SKIL: variants seen among roughly 807,000 people sequenced by gnomAD.
SKIL encodes the protein ski-like protein.
SKIL carries 20 observed loss-of-function variants against 69.6 expected under a neutral mutation model. The ratio of observed to expected loss-of-function variants is 0.29; its 90% confidence interval spans 0.20 to 0.42. The LOEUF (loss-of-function observed/expected upper bound fraction) is 0.42, where lower values mean the gene tolerates loss of function less well. Ranked by LOEUF, SKIL falls within the 10% of genes least tolerant of loss-of-function variation. The probability of loss-of-function intolerance (pLI) is 1.00; values close to 1 mark genes in which losing one functional copy is unlikely to be tolerated. For synonymous variants in SKIL, 310 were observed against 279.9 expected, an observed-to-expected ratio of 1.11 and a Z score of -1.08; for missense variants, 745 against 783.1, an observed-to-expected ratio of 0.95 and a Z score of 0.58.
intron 2 of SKIL, among the ~76,000 whole-genome samples, chr3:170,377,339 T>C (rs1481809956): frequency 1.3e-5 from 2 of 150,168 alleles, no homozygotes; most frequent in Admixed American, 1.3e-4. Flanking sequence ...CCTGTTTCGG[T>C]TGATTCTCCT....
At chr3:170,368,272 A>C (rs1009613492) in intron 2 of SKIL, among the ~76,000 whole-genome samples, 4 of 152,226 alleles carry the variant, frequency 2.6e-5, no homozygotes, top group Non-Finnish European at 5.9e-5. Context: ...TGCTCATATG[A>C]GGGACCATTA....
rs1258232830 is a variant in SKIL at position 170,391,101 on chromosome 3, G to A, written c.1737G>A (p.Gln579=). The A allele has an allele frequency of 6.2e-7, 1 of 1,610,824 alleles. No individual in the cohort carries two copies. The highest frequency in any genetic ancestry group is 1.1e-5 in the South Asian group (1 of 90,908). ...TCACTGAAGAACAGCAGAATTTACA[G>A]AAAGAGCTTGAATCTTTGCAGAATG... is the stretch of plus-strand genomic sequence containing the variant. ...KELTEEQQNL[Q]KELESLQNEH... is the part of the protein sequence containing the mutation. Residue 579 remains glutamine, a synonymous_variant, in exon 6 of 7, where the codon CAG becomes CAA. Transcript: ENST00000259119.
chr3:170,360,630 C>G lies in SKIL; in HGVS notation c.299C>G (p.Ser100Trp). 1 of 1,614,134 alleles carries G rather than the reference C, an allele frequency of 6.2e-7. No homozygotes were observed. The highest frequency in any genetic ancestry group is 1.1e-5 in the South Asian group (1 of 91,086). ...CAATTCCATTTAAGTAGTCAGAGCTCGCTGGGTGGACCAGCAGCATTTTCT... is the reference window on the plus strand; with the variant it reads ...CAATTCCATTTAAGTAGTCAGAGCTGGCTGGGTGGACCAGCAGCATTTTCT... Reference protein sequence around the residue: ...LAQFHLSSQSSLGGPAAFSAR... With the variant: ...LAQFHLSSQSWLGGPAAFSAR... The change falls in exon 2 of 7, where the codon TCG becomes TGG. Residue 100 changes from serine (S) to tryptophan (W), a missense_variant. Ser to Trp is a radical substitution (Grantham distance 177). Transcript: ENST00000259119.
chr3:170,366,437 T>C (rs1577413233), intron 2 of SKIL, among the ~76,000 whole-genome samples: 1 of 152,072 alleles, frequency 6.6e-6, no homozygotes, highest in African/African-American at 2.4e-5. Context: ...CCCAGCACTT[T>C]GGGAGGCTGA....
intron 2 of SKIL, among the ~76,000 whole-genome samples, chr3:170,362,770 A>C (rs938676849): frequency 3.3e-5 from 5 of 151,212 alleles, no homozygotes; most frequent in South Asian, 2.1e-4. Context: ...AGCCGAGATC[A>C]CGCCACCACA....
Position 170,360,129 on chromosome 3 carries a change from G to T in SKIL, c.-203G>T. ...TAGAGGCAAAACGAACAATTTTATA[G>T]GATTTGTAGTGAAATTATACCAGAT... is the stretch of plus-strand genomic sequence containing the variant. On this transcript the variant is annotated 5_prime_UTR_variant, in exon 2 of 7. It adds an upstream start codon to the 5' untranslated region. Coordinates refer to ENST00000259119, the MANE Select transcript of SKIL (RefSeq NM_005414.5). 1 of 476,708 alleles carries T rather than the reference G, an allele frequency of 2.1e-6. No homozygotes were observed. The highest frequency in any genetic ancestry group is 3.7e-6 in the Non-Finnish European group (1 of 271,106). The allele number at this position is 476,708 out of a possible 1,614,324, so 29.5% of individuals were successfully genotyped here. A position where few individuals can be genotyped will look rare whatever the true frequency, so the allele number is the denominator to read the frequency against.
chr3:170,388,914 G>C (rs532938273), intron 4 of SKIL, among the ~76,000 whole-genome samples: 68 of 151,544 alleles, frequency 4.5e-4, no homozygotes, highest in Non-Finnish European at 7.4e-4. Flanking sequence ...CTGTTGCCCA[G>C]GCTGGAGTAC....
intron 1 of SKIL, among the ~76,000 whole-genome samples, chr3:170,358,265 C>G (rs972675584): frequency 6.6e-6 from 1 of 151,948 alleles, no homozygotes; most frequent in Non-Finnish European, 1.5e-5. Context: ...CGAGAACTTC[C>G]CAGGGAGAGG....
At chr3:170,382,908 G>A (rs923599623) in intron 3 of SKIL, among the ~76,000 whole-genome samples, 9 of 151,794 alleles carry the variant, frequency 5.9e-5, no homozygotes, top group African/African-American at 2.2e-4. Flanking sequence ...TAGAAGAGAC[G>A]AGGTTTCACC....
Position 170,394,337 on chromosome 3 carries a change from A to G in SKIL, c.*1920A>G, listed in dbSNP as rs978283017. On this transcript the variant is annotated 3_prime_UTR_variant, in exon 7 of 7. Coordinates refer to ENST00000259119, the MANE Select transcript of SKIL (RefSeq NM_005414.5). ...TAAAATGACATATTCTCCCAATACA[A>G]TCTATTTAGATCTGGAGAAGGAAAA... 6.6e-6 allele frequency: 1 copy of G among 151,802 alleles called. No individual in the cohort carries two copies. Among genetic ancestry groups the G allele is most frequent in the Non-Finnish European group, 1.5e-5 (1 of 67,974 alleles). 9.4% of individuals were successfully genotyped at this position (151,802 alleles called of 1,614,324 possible). A position where few individuals can be genotyped will look rare whatever the true frequency, so the allele number is the denominator to read the frequency against.
rs1560203983 is a variant in SKIL at position 170,360,318 on chromosome 3, CAG to C, written c.-12_-11del. On this transcript the variant is annotated 5_prime_UTR_variant, in exon 2 of 7. Coordinates refer to ENST00000259119, the MANE Select transcript of SKIL (RefSeq NM_005414.5). ...GCTAATCTCAGACTTAATTATTTAA[CAG>C]AAGAGTGTACCATGGAAAACCTCCA... 1.3e-6 allele frequency: 2 copies of C among 1,526,634 alleles called. No homozygotes were observed. Among genetic ancestry groups the C allele is most frequent in the Admixed American group, 2.3e-5 (1 of 43,644 alleles). 94.6% of individuals were successfully genotyped at this position (1,526,634 alleles called of 1,614,324 possible).
intron 2 of SKIL, among the ~76,000 whole-genome samples, chr3:170,376,121 C>T (rs370927610): frequency 7.6e-5 from 11 of 144,748 alleles, no homozygotes; most frequent in Non-Finnish European, 1.5e-4. Context: ...AATCTCAGCT[C>T]ACTGCAACCT....
At chr3:170,387,004 C>A (rs542029076) in intron 4 of SKIL, among the ~76,000 whole-genome samples, 33 of 151,924 alleles carry the variant, frequency 2.2e-4, no homozygotes, top group African/African-American at 8.0e-4. Context: ...TAATTTAGTT[C>A]CATAATGTTT....
intron 3 of SKIL, among the ~76,000 whole-genome samples, chr3:170,381,699 C>G (rs567680552): frequency 8.9e-4 from 136 of 152,164 alleles, no homozygotes; most frequent in Admixed American, 1.9e-3. Flanking sequence ...TCCCAAAGTG[C>G]TGGGATTACA....
chr3:170,358,013 C>CGGCAG (rs1159627466), intron 1 of SKIL, among the ~76,000 whole-genome samples: 6 of 152,212 alleles, frequency 3.9e-5, no homozygotes, highest in Non-Finnish European at 7.4e-5. Flanking sequence ...CGGTGGGCGC[C>CGGCAG]GGCAGGGCAG....
chr3:170,358,569 G>GGT (rs1207422365), intron 1 of SKIL: 5 of 152,780 alleles, frequency 3.3e-5, no homozygotes, highest in African/African-American at 1.2e-4. Context: ...TGTTGAGTAA[G>GGT]GTGTGTTCCT....
chr3:170,384,794 A>AT (rs1448129536), intron 4 of SKIL, 29 bp downstream of exon 4: 1 of 1,161,900 alleles, frequency 8.6e-7, no homozygotes, highest in East Asian at 2.4e-5. Flanking sequence ...TCTTTCTAAA[A>AT]TTAAATATCT....
chr3:170,360,824 C>G lies in SKIL; in HGVS notation c.493C>G (p.Leu165Val), dbSNP rs1736189230. The G allele has an allele frequency of 1.9e-6, 3 of 1,614,072 alleles. No individual in the cohort carries two copies. The highest frequency in any genetic ancestry group is 2.5e-6 in the Non-Finnish European group (3 of 1,180,038). Residue 165 changes from leucine (L) to valine (V), a missense_variant, in exon 2 of 7, where the codon CTC (leucine) becomes GTC (valine). Leu to Val is a conservative substitution (Grantham distance 32, BLOSUM62 1). Transcript: ENST00000259119. The part of the protein sequence containing the change: ...SCFQVGGEKR[L>V]CLPQVLNSVL... ...TTTTCAAGTTGGAGGAGAAAAGAGA[C>G]TCTGTTTGCCCCAAGTCTTAAATTC...
At chr3:170,378,828 C>T (rs1180758846) in intron 2 of SKIL, among the ~76,000 whole-genome samples, 1 of 149,664 alleles carries the variant, frequency 6.7e-6, no homozygotes, top group Non-Finnish European at 1.5e-5. Context: ...AGCTGCTGCA[C>T]CCGACCAGAA....
Sources: allele counts gnomAD v4.1 joint callset (sites outside exome capture counted in the v4.1 genomes callset), GRCh38; gene constraint gnomAD v4.1.1; transcripts MANE v1.5; gene names NCBI Gene and HGNC (gene_info 2026-07-23, HGNC 2026-07-21).